Variants in SPART observed in about 807,000 individuals in gnomAD.
SPART encodes spastic paraplegia 20 (Troyer syndrome).
In SPART, 35 loss-of-function variants were observed where a neutral mutation model predicts 58.7. That is an observed-to-expected ratio of 0.60 (90% CI 0.46 to 0.79). The LOEUF is 0.79. SPART is among the 30% of genes least tolerant of loss of function. SPART has a pLI of 0.00. For missense variants in SPART, 730 were observed against 786.1 expected, an observed-to-expected ratio of 0.93 and a Z score of 0.85; for synonymous variants, 284 against 280.7, an observed-to-expected ratio of 1.01 and a Z score of -0.12.
chr13:36,327,633 T>G (rs1183611789), intron 4 of SPART, among the ~76,000 whole-genome samples: 3 of 152,200 alleles, frequency 2.0e-5, no homozygotes, highest in African/African-American at 7.2e-5. Context: ...TATATATGTC[T>G]CTGTGTGTGT....
chr13:36,324,199 CTTG>C (rs1566121243), intron 5 of SPART, among the ~76,000 whole-genome samples: 1 of 152,184 alleles, frequency 6.6e-6, no homozygotes. Context: ...TCTGGGCTGG[CTTG>C]TTGTTTGCTT....
intron 1 of SPART, among the ~76,000 whole-genome samples, chr13:36,339,634 A>AC (rs2137597067): frequency 6.7e-6 from 1 of 149,228 alleles, no homozygotes; most frequent in South Asian, 2.1e-4. Context: ...CATCAAAAAA[A>AC]AAAAAAAAAA....
At chr13:36,341,429 T>G (rs1484045191) in intron 1 of SPART, among the ~76,000 whole-genome samples, 1 of 152,330 alleles carries the variant, frequency 6.6e-6, no homozygotes, top group East Asian at 1.9e-4. Flanking sequence ...GTTAAATATT[T>G]TAGCTTTCTT....
At chr13:36,358,892 T>C (rs1480851627) in intron 1 of SPART, among the ~76,000 whole-genome samples, 1 of 152,232 alleles carries the variant, frequency 6.6e-6, no homozygotes, top group Non-Finnish European at 1.5e-5. Flanking sequence ...AGAGTTCCCA[T>C]TAACTTTTCT....
chr13:36,335,381 T>C lies in SPART; in HGVS notation c.450A>G (p.Ala150=), dbSNP rs769396462. The C allele has an allele frequency of 1.9e-6, 3 of 1,614,148 alleles. No individual in the cohort carries two copies. ...GAGAAGCAGGTGCAGCAACTGCCCC[T>C]GCACTTGGAGTTGAGGTGTTTCCAT... The part of the protein sequence containing the change: ...EVNGNTSTPS[A]GAVAAPASLS... The change falls in exon 2 of 9, where the codon GCA becomes GCG. Residue 150 remains alanine, a synonymous_variant. Coordinates refer to ENST00000438666, the MANE Select transcript of SPART (RefSeq NM_015087.5).
Position 36,335,471 on chromosome 13 carries a change from T to G in SPART, c.360A>C (p.Lys120Asn). ...VPKLYPEFPP[K>N]DMCEKLPEPQ... ...GCTCTGGTAATTTTTCACACATGTC[T>G]TTAGGTGGAAATTCTGGATATAACT... The change falls in exon 2 of 9, where the codon AAA (lysine) becomes AAC (asparagine). Residue 120 changes from lysine to asparagine, a missense_variant. Lys to Asn is a moderately conservative substitution (Grantham distance 94, BLOSUM62 0). Coordinates refer to ENST00000438666, the MANE Select transcript of SPART (RefSeq NM_015087.5). 1 of 1,614,162 alleles carries G rather than the reference T, an allele frequency of 6.2e-7. No homozygotes were observed. The highest frequency in any genetic ancestry group is 1.3e-5 in the African/African-American group (1 of 75,060).
At chr13:36,355,633 A>G (rs1261605332) in intron 1 of SPART, among the ~76,000 whole-genome samples, 6 of 152,214 alleles carry the variant, frequency 3.9e-5, no homozygotes, top group African/African-American at 1.4e-4. Flanking sequence ...GTGTAAAATC[A>G]TGAGAAGTTT....
rs765357096 is a variant in SPART at position 36,335,463 on chromosome 13, C to A, written c.368G>T (p.Cys123Phe). 1 of 1,614,148 alleles carries A rather than the reference C, an allele frequency of 6.2e-7. No homozygotes were observed. The highest frequency in any genetic ancestry group is 8.5e-7 in the Non-Finnish European group (1 of 1,180,038). The part of the protein sequence containing the change: ...LYPEFPPKDM[C>F]EKLPEPQSFS... The stretch of plus-strand genomic sequence containing the variant: ...AGACTGAGGCTCTGGTAATTTTTCA[C>A]ACATGTCTTTAGGTGGAAATTCTGG... The change falls in exon 2 of 9, where the codon TGT (cysteine) becomes TTT (phenylalanine). Residue 123 changes from cysteine to phenylalanine, a missense_variant. Transcript: ENST00000438666.
intron 5 of SPART, among the ~76,000 whole-genome samples, chr13:36,324,043 C>T (rs1214907842): frequency 6.6e-6 from 1 of 152,122 alleles, no homozygotes; most frequent in African/African-American, 2.4e-5. Context: ...TCTATAGTAC[C>T]TAGGAGGCCT....
chr13:36,309,095 T>C (rs1029540632), intron 8 of SPART, among the ~76,000 whole-genome samples: 1 of 151,972 alleles, frequency 6.6e-6, no homozygotes, highest in Non-Finnish European at 1.5e-5. Flanking sequence ...ATACAAAAAA[T>C]TAGCCGGTCA....
chr13:36,337,515 C>A (rs1884132025), intron 1 of SPART, among the ~76,000 whole-genome samples: 2 of 152,284 alleles, frequency 1.3e-5, no homozygotes, highest in Non-Finnish European at 1.5e-5. Context: ...GCAGTTTTTC[C>A]AGCTTTTGCT....
intron 5 of SPART, among the ~76,000 whole-genome samples, chr13:36,320,026 T>C (rs9547255): frequency 0.35 from 52,586 of 151,992 alleles, 9,792 homozygotes; most frequent in Non-Finnish European, 0.42. Context: ...CAGGACCACA[T>C]CCTGTAGCCC....
chr13:36,314,601 G>T (rs1479314196), intron 5 of SPART, among the ~76,000 whole-genome samples, 180 bp from the exon 6 acceptor site: 1 of 152,186 alleles, frequency 6.6e-6, no homozygotes, highest in Non-Finnish European at 1.5e-5. Context: ...AATACTTAGT[G>T]ACACAGTTCT....
At chr13:36,365,356 A>G (rs111676260) in intron 1 of SPART, 3,140 of 240,192 alleles carry the variant, frequency 0.013, 32 homozygotes, top group Non-Finnish European at 0.02. Flanking sequence ...CATTTTTCCT[A>G]CTCTGTGTGT....
intron 1 of SPART, among the ~76,000 whole-genome samples, chr13:36,339,210 C>G (rs553331942): frequency 6.6e-6 from 1 of 151,492 alleles, no homozygotes; most frequent in Non-Finnish European, 1.5e-5. Flanking sequence ...AAAGGAACTC[C>G]GGGAAATTAA....
chr13:36,365,080 A>G (rs997558928), intron 1 of SPART, among the ~76,000 whole-genome samples: 1 of 151,944 alleles, frequency 6.6e-6, no homozygotes, highest in Non-Finnish European at 1.5e-5. Context: ...GGCTCCCACC[A>G]ATGCCCCACA....
chr13:36,360,741 G>T (rs899453929), intron 1 of SPART: 4 of 152,776 alleles, frequency 2.6e-5, no homozygotes, highest in African/African-American at 9.7e-5. Context: ...CCTAAATATG[G>T]TAAGAATTCT....
At chr13:36,323,508 G>A (rs571163604) in intron 5 of SPART, among the ~76,000 whole-genome samples, 2 of 152,290 alleles carry the variant, frequency 1.3e-5, no homozygotes, top group African/African-American at 4.8e-5. Context: ...CTAGCTTTTA[G>A]TGATCTTTAC....
intron 4 of SPART, among the ~76,000 whole-genome samples, chr13:36,328,976 T>C (rs1169415525): frequency 6.6e-6 from 1 of 152,152 alleles, no homozygotes; most frequent in Non-Finnish European, 1.5e-5. Context: ...GGCTCATGTC[T>C]GTAATGCTGG....
Sources: gnomAD v4.1 joint callset for allele counts (sites outside exome capture counted in the v4.1 genomes callset) on GRCh38, gnomAD v4.1.1 for gene constraint, MANE v1.5 for transcripts, NCBI Gene and HGNC (gene_info 2026-07-23, HGNC 2026-07-21) for gene names.